ADD2: variants seen among roughly 807,000 people sequenced by gnomAD.
ADD2 encodes adducin 2, also known as beta-adducin.
Under a neutral mutation model 83.0 loss-of-function variants are expected in ADD2, and 23 were observed. That is an observed-to-expected ratio of 0.28 (90% CI 0.20 to 0.39). The LOEUF is 0.39. Among genes scored for constraint, ADD2 ranks in the 10% least tolerant of loss-of-function variants. ADD2 has a pLI of 1.00. For synonymous variants in ADD2, 375 were observed against 375.4 expected (o/e 1.00, Z 0.01); for missense variants, 758 against 944.9 (o/e 0.80, Z 2.59).
intron 1 of ADD2, among the ~76,000 whole-genome samples, chr2:70,767,157 C>A (rs1675428456): frequency 6.6e-6 from 1 of 152,144 alleles, no homozygotes; most frequent in African/African-American, 2.4e-5. Context: ...ACACCGACTC[C>A]CGCCTCCGGG....
At chr2:70,702,359 G>T (rs782389753) in intron 4 of ADD2, among the ~76,000 whole-genome samples, 16 of 152,018 alleles carry the variant, frequency 1.1e-4, no homozygotes, top group Non-Finnish European at 2.2e-4. Context: ...TAGAGACAGG[G>T]TGTCACCATG....
At chr2:70,695,214 T>C (rs904760946) in intron 6 of ADD2, among the ~76,000 whole-genome samples, 2 of 152,134 alleles carry the variant, frequency 1.3e-5, no homozygotes, top group African/African-American at 2.4e-5. Flanking sequence ...CCTTTTCTGC[T>C]TCTAAGACAG....
Position 70,661,073 on chromosome 2 carries a change from GAAT to G in ADD2, c.*2349_*2351del, listed in dbSNP as rs1675522486. The G allele has an allele frequency of 6.6e-6, 1 of 152,150 alleles. No homozygotes were observed. Among genetic ancestry groups the G allele is most frequent in the African/African-American group, 2.4e-5 (1 of 41,434 alleles). 9.4% of individuals were successfully genotyped at this position (152,150 alleles called of 1,614,324 possible). On this transcript the variant is annotated 3_prime_UTR_variant, in exon 16 of 16. Transcript: ENST00000264436. Reference sequence around the variant, plus strand: ...AGTGGGCCCATGGCATAAATTCCCAGAATAATGCTGCAGCAAGACTCCACCCAA... The same window carrying G: ...AGTGGGCCCATGGCATAAATTCCCAGAATGCTGCAGCAAGACTCCACCCAA...
At chr2:70,717,145 C>T (rs1213287712) in intron 1 of ADD2, among the ~76,000 whole-genome samples, 1 of 151,958 alleles carries the variant, frequency 6.6e-6, no homozygotes, top group Non-Finnish European at 1.5e-5. Flanking sequence ...TTCCTCACAC[C>T]TCTGCAGCCC....
chr2:70,715,204 G>A (rs918871879), intron 1 of ADD2, among the ~76,000 whole-genome samples: 1 of 152,158 alleles, frequency 6.6e-6, no homozygotes, highest in Non-Finnish European at 1.5e-5. Flanking sequence ...TGAGAGAAGG[G>A]AAGAGAAAGA....
At chr2:70,678,996 G>A (rs1192442310) in intron 10 of ADD2, 35 bp from the exon 11 acceptor site, 2 of 1,556,078 alleles carry the variant, frequency 1.3e-6, no homozygotes, top group Non-Finnish European at 1.7e-6. Flanking sequence ...CTTATGGGGT[G>A]AGAAAAAAGG....
chr2:70,727,531 C>G (rs1673068762), intron 1 of ADD2, among the ~76,000 whole-genome samples: 1 of 152,150 alleles, frequency 6.6e-6, no homozygotes, highest in African/African-American at 2.4e-5. Flanking sequence ...ATTTTCCACT[C>G]CCTCAGACCC....
At chr2:70,684,092 C>T (rs1188344515) in intron 9 of ADD2, among the ~76,000 whole-genome samples, 2 of 152,136 alleles carry the variant, frequency 1.3e-5, no homozygotes, top group African/African-American at 4.8e-5. Context: ...GAAGATGAGA[C>T]AGGAAAGGAC....
In ADD2 at chr2:70,706,169, C is replaced by T. The variant is rs1671875013; in HGVS notation, c.183+57G>A. Reference sequence around the variant, plus strand: ...GTTACTCATCTTTCGGGTGGGTACACGTCCTGAAGAGCCAGCGCCCCCTGC... The same window carrying T: ...GTTACTCATCTTTCGGGTGGGTACATGTCCTGAAGAGCCAGCGCCCCCTGC... On this transcript the variant is annotated intron_variant, in intron 3 of 15. Transcript: ENST00000264436. The surrounding 1 kb of genome is among the most constrained non-coding windows in gnomAD (Gnocchi z 5.0). The T allele has an allele frequency of 4.4e-6, 7 of 1,574,800 alleles. No individual in the cohort carries two copies. The highest frequency in any genetic ancestry group is 2.7e-5 in the African/African-American group (2 of 74,234).
intron 4 of ADD2, among the ~76,000 whole-genome samples, chr2:70,698,436 G>T (rs1671419217): frequency 6.6e-6 from 1 of 152,158 alleles, no homozygotes. Flanking sequence ...AAGAGAGGTG[G>T]GATGAAGACA....
intron 8 of ADD2, 120 bp downstream of exon 8, chr2:70,690,666 T>G: frequency 4.2e-6 from 5 of 1,177,348 alleles, no homozygotes; most frequent in Non-Finnish European, 5.9e-6. Context: ...GGGATAGAGA[T>G]CTTTCTTTTT....
rs576313562 is a variant in ADD2, at chr2:70,676,761, G to A, written c.1593+35C>T. On this transcript the variant is annotated intron_variant, in intron 13 of 15. Coordinates refer to ENST00000264436, the MANE Select transcript of ADD2 (RefSeq NM_001617.4). The surrounding 1 kb of genome is among the most constrained non-coding windows in gnomAD (Gnocchi z 4.8). ...CACAGAAGACCCCGAAGGCAAACAC[G>A]TTTCCCCGCCAGTCAGGGGCAGCCT... The A allele has an allele frequency of 9.3e-6, 15 of 1,613,998 alleles. No individual in the cohort carries two copies. The highest frequency in any genetic ancestry group is 6.7e-5 in the East Asian group (3 of 44,884).
chr2:70,711,381 C>G (rs1553375418), intron 2 of ADD2: 2 of 152,040 alleles, frequency 1.3e-5, no homozygotes, highest in African/African-American at 4.8e-5. Context: ...CTAGCCACCC[C>G]AGAAAACCCA....
chr2:70,681,722 A>C (rs1574234876), intron 10 of ADD2, among the ~76,000 whole-genome samples: 1 of 151,788 alleles, frequency 6.6e-6, no homozygotes, highest in East Asian at 1.9e-4. Context: ...ATTATCTGTA[A>C]ATAATAGTTT....
intron 4 of ADD2, among the ~76,000 whole-genome samples, chr2:70,698,236 C>A (rs879981245): frequency 6.6e-6 from 1 of 152,146 alleles, no homozygotes; most frequent in Non-Finnish European, 1.5e-5. Context: ...CCAGTGATGG[C>A]CAGGGGGCCA....
intron 2 of ADD2, among the ~76,000 whole-genome samples, chr2:70,709,558 A>G (rs1553375129): frequency 1.3e-5 from 2 of 152,190 alleles, no homozygotes; most frequent in Non-Finnish European, 2.9e-5. Flanking sequence ...TGGGCAAGTC[A>G]TTGCCTCTCT....
At chr2:70,714,071 T>A (rs148184988) in intron 1 of ADD2, among the ~76,000 whole-genome samples, 1 of 152,162 alleles carries the variant, frequency 6.6e-6, no homozygotes. Flanking sequence ...GAAGGAGGAA[T>A]ATAAAGTTGT....
rs1671937508 is a variant in ADD2, at chr2:70,706,951, C to G, written c.-34-509G>C. 1.3e-5 allele frequency among the ~76,000 whole-genome samples: 2 copies of G among 152,128 alleles called. No homozygotes were observed. The highest frequency in any genetic ancestry group is 4.1e-4 in the South Asian group (2 of 4,820). Reference sequence around the variant, plus strand: ...AGCAAACCACCATGGCACACATTTACCTATGTAACAAACCTGCACATCCTG... The same window carrying G: ...AGCAAACCACCATGGCACACATTTAGCTATGTAACAAACCTGCACATCCTG... On this transcript the variant is annotated intron_variant, in intron 2 of 15. Transcript: ENST00000264436. The surrounding 1 kb of genome is among the most constrained non-coding windows in gnomAD (Gnocchi z 5.0).
chr2:70,732,109 C>T (rs1673312773), intron 1 of ADD2, among the ~76,000 whole-genome samples: 1 of 152,168 alleles, frequency 6.6e-6, no homozygotes, highest in Admixed American at 6.5e-5. Flanking sequence ...GATGAAGTGG[C>T]ACAGGCAGCA....
Sources: gnomAD v4.1 joint callset for allele counts (sites outside exome capture counted in the v4.1 genomes callset) on GRCh38, gnomAD v4.1.1 for gene constraint, Gnocchi (gnomAD v3.1) non-coding constraint, MANE v1.5 for transcripts, NCBI Gene and HGNC (gene_info 2026-07-23, HGNC 2026-07-21) for gene names.